PLCG2: variants seen among roughly 807,000 people sequenced by gnomAD.
PLCG2 encodes phospholipase C gamma 2, also known as 1-phosphatidylinositol 4,5-bisphosphate phosphodiesterase gamma-2.
Under a neutral mutation model 175.6 loss-of-function variants are expected in PLCG2, and 69 were observed. The ratio of observed to expected loss-of-function variants is 0.39; its 90% confidence interval spans 0.32 to 0.48. The LOEUF (loss-of-function observed/expected upper bound fraction) is 0.48. PLCG2 is among the 20% of genes least tolerant of loss of function. The pLI is 0.91. For missense variants in PLCG2, 1,798 were observed against 1,650.9 expected (o/e 1.09, Z -1.54); for synonymous variants, 827 against 624.0 (o/e 1.33, Z -4.85).
chr16:81,750,210 C>G (rs1909779822), intron 1 of PLCG2, among the ~76,000 whole-genome samples: 1 of 152,102 alleles, frequency 6.6e-6, no homozygotes, highest in Non-Finnish European at 1.5e-5. Flanking sequence ...GAGTTCAAGA[C>G]CAGCTTGGCC....
At chr16:81,760,434 C>A (rs1398098893) in intron 2 of PLCG2, among the ~76,000 whole-genome samples, 2 of 152,148 alleles carry the variant, frequency 1.3e-5, no homozygotes, top group Admixed American at 1.3e-4. Flanking sequence ...TGGACACAAG[C>A]CTGATGCTGG....
intron 30 of PLCG2, 125 bp downstream of exon 30, chr16:81,940,184 G>A (rs1277400920): frequency 7.4e-6 from 6 of 809,380 alleles, no homozygotes; most frequent in African/African-American, 5.6e-5. Flanking sequence ...AAAACCGATT[G>A]GGTGGCTTGG....
At chr16:81,892,334 G>C (rs1908676144) in intron 11 of PLCG2, among the ~76,000 whole-genome samples, 1 of 152,210 alleles carries the variant, frequency 6.6e-6, no homozygotes, top group Non-Finnish European at 1.5e-5. Context: ...TGGTTACTCT[G>C]ATTGCAACAG....
At chr16:81,749,033 C>A (rs1406093638) in intron 1 of PLCG2, among the ~76,000 whole-genome samples, 7 of 152,114 alleles carry the variant, frequency 4.6e-5, no homozygotes. Context: ...AGGTTTACTT[C>A]CAGGCTGTGG....
chr16:81,913,550 G>C (rs1017636816), intron 19 of PLCG2, among the ~76,000 whole-genome samples: 1 of 152,224 alleles, frequency 6.6e-6, no homozygotes, highest in Non-Finnish European at 1.5e-5. Context: ...AGAGTCTCTA[G>C]CCAGAGGCCT....
intron 31 of PLCG2, among the ~76,000 whole-genome samples, chr16:81,952,575 G>C (rs1347927683): frequency 2.0e-5 from 3 of 152,154 alleles, no homozygotes; most frequent in South Asian, 2.1e-4. Flanking sequence ...GAACCAACCA[G>C]GGAGCGCTCC....
chr16:81,860,268 T>A (rs113931977), intron 5 of PLCG2, among the ~76,000 whole-genome samples: 1 of 151,648 alleles, frequency 6.6e-6, no homozygotes, highest in Non-Finnish European at 1.5e-5. Context: ...TAATGCATTG[T>A]CATTTCGGAA....
At chr16:81,759,942 C>T (rs999403991) in intron 2 of PLCG2, among the ~76,000 whole-genome samples, 7 of 152,060 alleles carry the variant, frequency 4.6e-5, no homozygotes, top group Admixed American at 1.3e-4. Context: ...CTGGCTAACA[C>T]GGTGAAACCC....
chr16:81,955,895 G>C (rs1181785103), intron 31 of PLCG2, among the ~76,000 whole-genome samples: 1 of 152,152 alleles, frequency 6.6e-6, no homozygotes, highest in East Asian at 1.9e-4. Context: ...TTGGGTAACA[G>C]CTTTGAGAGA....
At chr16:81,839,950 G>A (rs774289619) in intron 2 of PLCG2, among the ~76,000 whole-genome samples, 20 of 152,172 alleles carry the variant, frequency 1.3e-4, no homozygotes, top group Non-Finnish European at 2.2e-4. Flanking sequence ...ACCTGGCTTT[G>A]GGAGGCTGAG....
At chr16:81,882,569 C>G (rs1331626108) in intron 8 of PLCG2, among the ~76,000 whole-genome samples, 2 of 152,130 alleles carry the variant, frequency 1.3e-5, no homozygotes, top group Admixed American at 1.3e-4. Context: ...TAGGCACACT[C>G]ACATCCCTGT....
intron 12 of PLCG2, among the ~76,000 whole-genome samples, chr16:81,894,689 A>T (rs991465387): frequency 7.9e-5 from 12 of 152,114 alleles, no homozygotes; most frequent in African/African-American, 2.7e-4. Context: ...TCTGGCCAAC[A>T]TGGCGAAACC....
At chr16:81,906,276 C>T (rs1027497748) in intron 15 of PLCG2, 1 of 152,208 alleles carries the variant, frequency 6.6e-6, no homozygotes, top group Non-Finnish European at 1.5e-5. Flanking sequence ...TGTCCTCCAA[C>T]TGGGGGTCGT....
intron 29 of PLCG2, among the ~76,000 whole-genome samples, chr16:81,939,149 T>C (rs191179913): frequency 1.6e-3 from 236 of 152,238 alleles, no homozygotes; most frequent in African/African-American, 5.3e-3. Context: ...TCCGGAATCG[T>C]AGGTGAGGCC....
At chr16:81,951,320 A>G (rs1911356941) in intron 31 of PLCG2, among the ~76,000 whole-genome samples, 1 of 152,256 alleles carries the variant, frequency 6.6e-6, no homozygotes, top group Non-Finnish European at 1.5e-5. Context: ...GAGGAAAAAC[A>G]TGTAAGAGTA....
Position 81,898,857 on chromosome 16 carries a change from G to A in PLCG2, c.1194-1755G>A, listed in dbSNP as rs74838290. Among the ~76,000 whole-genome samples, 664 of 152,204 alleles carry A rather than the reference G, an allele frequency of 4.4e-3. 4 individuals are homozygous for A. Among genetic ancestry groups the A allele is most frequent in the African/African-American group, 0.015 (633 of 41,524 alleles). On this transcript the variant is annotated intron_variant, in intron 13 of 32. Coordinates refer to ENST00000564138, the MANE Select transcript of PLCG2 (RefSeq NM_002661.5). ...GGATGTCTGCGCCTTATTTCAGATG[G>A]TTCAGGAGGAAACGTAAATATGTGT...
intron 2 of PLCG2, chr16:81,852,185 C>T (rs1906452130): frequency 6.6e-6 from 1 of 152,202 alleles, no homozygotes. Flanking sequence ...CCTGCCACTC[C>T]CAGGCTCATG....
At chr16:81,887,383 T>C (rs1908423388) in intron 9 of PLCG2, among the ~76,000 whole-genome samples, 1 of 152,106 alleles carries the variant, frequency 6.6e-6, no homozygotes, top group Non-Finnish European at 1.5e-5. Context: ...CCTCCCAAAG[T>C]GCTAGGATTA....
intron 2 of PLCG2, among the ~76,000 whole-genome samples, chr16:81,826,093 C>T (rs765598531): frequency 6.6e-6 from 1 of 152,194 alleles, no homozygotes; most frequent in African/African-American, 2.4e-5. Flanking sequence ...CAACGGAGAT[C>T]TCTGCCTTTA....
Sources: allele counts gnomAD v4.1 joint callset (sites outside exome capture counted in the v4.1 genomes callset), GRCh38; gene constraint gnomAD v4.1.1; transcripts MANE v1.5; gene names NCBI Gene and HGNC (gene_info 2026-07-23, HGNC 2026-07-21).